The following ABCC2 variants were observed in gnomAD, a reference collection of about 807,000 sequenced individuals.
The protein encoded by ABCC2 is ATP-binding cassette sub-family C member 2.
In ABCC2, 157 loss-of-function variants were observed where a neutral mutation model predicts 173.4. The ratio of observed to expected loss-of-function variants is 0.91; its 90% CI spans 0.80 to 1.03. The LOEUF is 1.03. Among genes scored for constraint, ABCC2 ranks in the 50% least tolerant of loss-of-function variants. ABCC2 has a pLI of 0.00. For synonymous variants in ABCC2, 657 were observed against 693.5 expected (o/e 0.95, Z 0.83); for missense variants, 1,822 against 1,852.3 (o/e 0.98, Z 0.30).
chr10:99,814,402 T>C (rs1311489551), intron 16 of ABCC2, among the ~76,000 whole-genome samples: 2 of 144,592 alleles, frequency 1.4e-5, no homozygotes, highest in Non-Finnish European at 3.1e-5. Flanking sequence ...TGGGTATATA[T>C]ACACACGTGT....
intron 2 of ABCC2, 152 bp from the exon 3 acceptor site, chr10:99,792,082 T>G: frequency 1.0e-6 from 1 of 971,130 alleles, no homozygotes; most frequent in Non-Finnish European, 1.6e-6. Flanking sequence ...TTCTATCACT[T>G]GAACTGTATG....
rs1056125579 is a variant in ABCC2, at chr10:99,827,379, T to C, written c.2621-2928T>C. On this transcript the variant is annotated intron_variant, in intron 19 of 31. Coordinates refer to ENST00000647814, the MANE Select transcript of ABCC2 (RefSeq NM_000392.5). ...CTCCTGTAATTGATTATAGTCAACA[T>C]TTTGCGTTGACTGAGCCATTACCGG... Among the ~76,000 whole-genome samples the C allele has an allele frequency of 3.9e-5, 6 of 152,194 alleles. No homozygotes were observed. In the East Asian group the frequency reaches 5.8e-4, roughly 15 times the overall value.
Position 99,834,513 on chromosome 10 carries a change from G to A in ABCC2, c.3392G>A (p.Gly1131Asp), listed in dbSNP as rs2038787954. 6.2e-7 allele frequency: 1 copy of A among 1,614,098 alleles called. No homozygotes were observed. The highest frequency in any genetic ancestry group is 1.7e-5 in the Admixed American group (1 of 60,026). The change falls in exon 24 of 32, where the codon GGC becomes GAC. Residue 1131 changes from glycine to aspartate, a missense_variant. Coordinates refer to ENST00000647814, the MANE Select transcript of ABCC2 (RefSeq NM_000392.5). ...PVFTIIVIPL[G>D]IIYVSVQMFY... ...TTCACCATCATCGTCATTCCTCTTG[G>A]CATTATTTATGTATCTGTTCAGGTA...
chr10:99,824,690 A>G (rs148191650), intron 19 of ABCC2, among the ~76,000 whole-genome samples: 332 of 130,330 alleles, frequency 2.5e-3, no homozygotes, highest in East Asian at 4.3e-3. Context: ...CCTTTAGATC[A>G]ATTATAATTA....
At chr10:99,787,526 A>G (rs537270907) in intron 2 of ABCC2, among the ~76,000 whole-genome samples, 120 of 152,346 alleles carry the variant, frequency 7.9e-4, no homozygotes, top group African/African-American at 2.8e-3. Context: ...ACAGTGTGTT[A>G]AAGTGCATGT....
Position 99,830,696 on chromosome 10 carries a change from G to T in ABCC2, c.2748-20G>T. 1 of 1,613,958 alleles carries T rather than the reference G, an allele frequency of 6.2e-7. No homozygotes were observed. Among genetic ancestry groups the T allele is most frequent in the South Asian group, 1.1e-5 (1 of 91,058 alleles). On this transcript the variant is annotated intron_variant, in intron 20 of 31. Transcript: ENST00000647814. ...CCCTTGGGAATTGCCTGCATGCTCA[G>T]GGAAGCTTCCCTCTCTCAGTTCTAG... is the stretch of plus-strand genomic sequence containing the variant.
intron 6 of ABCC2, among the ~76,000 whole-genome samples, chr10:99,795,787 GAAAGAA>G (rs2037900450): frequency 6.9e-6 from 1 of 144,008 alleles, no homozygotes. Context: ...AAGAAAGAAA[GAAAGAA>G]AGAAAGAAAG....
intron 19 of ABCC2, among the ~76,000 whole-genome samples, chr10:99,828,310 GTTGGCCCTGGGATCTGGGAC>G (rs2038680355): frequency 6.6e-6 from 1 of 152,072 alleles, no homozygotes; most frequent in Non-Finnish European, 1.5e-5. Context: ...ATGCTGCTGT[GTTGGCCCTGGGATCTGGGAC>G]TTGGTGGAAT....
Position 99,851,711 on chromosome 10 carries a change from T to G in ABCC2, c.*80T>G. ...TATTTTTTATAAAATACAGAATACA[T>G]ACAAAAGTGTGTATAAAATGTACGT... On this transcript the variant is annotated 3_prime_UTR_variant, in exon 32 of 32. Coordinates refer to ENST00000647814, the MANE Select transcript of ABCC2 (RefSeq NM_000392.5). 3 of 1,308,644 alleles carry G rather than the reference T, an allele frequency of 2.3e-6. No homozygotes were observed. Among genetic ancestry groups the G allele is most frequent in the Admixed American group, 2.1e-5 (1 of 48,172 alleles). The allele number at this position is 1,308,644 out of a possible 1,614,324, so 81.1% of individuals were successfully genotyped here.
intron 13 of ABCC2, 29 bp downstream of exon 13, chr10:99,808,258 C>T (rs2133034440): frequency 6.2e-7 from 1 of 1,613,240 alleles, no homozygotes; most frequent in Non-Finnish European, 8.5e-7. Flanking sequence ...TGCTAACTCC[C>T]TGTCTCTGGT....
intron 16 of ABCC2, among the ~76,000 whole-genome samples, chr10:99,814,965 C>T (rs2038379029): frequency 6.6e-6 from 1 of 151,484 alleles, no homozygotes; most frequent in Admixed American, 6.6e-5. Flanking sequence ...CACCATGCCC[C>T]ACTAACTTTT....
intron 19 of ABCC2, among the ~76,000 whole-genome samples, chr10:99,826,353 C>G (rs1256341773): frequency 6.6e-6 from 1 of 151,546 alleles, no homozygotes; most frequent in Admixed American, 6.6e-5. Context: ...GGCTGATTGA[C>G]ACTCAGGATT....
intron 2 of ABCC2, among the ~76,000 whole-genome samples, chr10:99,786,806 G>A (rs926193027): frequency 5.9e-5 from 9 of 151,908 alleles, no homozygotes; most frequent in Admixed American, 2.0e-4. Flanking sequence ...AGTTCGAGAC[G>A]AGCCTGGCCA....
chr10:99,806,511 A>C (rs113685145), intron 11 of ABCC2, among the ~76,000 whole-genome samples: 8,832 of 152,308 alleles, frequency 0.058, 386 homozygotes, highest in Non-Finnish European at 0.09. Flanking sequence ...CTAATATGCC[A>C]CCAAGGTGAA....
chr10:99,807,423 C>A lies in ABCC2; in HGVS notation c.1570C>A (p.Gln524Lys), dbSNP rs1477237225. ...TGCCTGGGAACCTTCATTCAGAGAC[C>A]AAGTACAAAACCTCCGGAAGAAAGA... is the stretch of plus-strand genomic sequence containing the variant. ...YFAWEPSFRD[Q>K]VQNLRKKELK... Residue 524 changes from glutamine (Q) to lysine (K), a missense_variant, in exon 12 of 32, where the codon CAA becomes AAA. Physicochemically the swap from Gln to Lys is moderately conservative, Grantham distance 53 (BLOSUM62 1). Coordinates refer to ENST00000647814, the MANE Select transcript of ABCC2 (RefSeq NM_000392.5). 6.2e-7 allele frequency: 1 copy of A among 1,614,032 alleles called. No homozygotes were observed. Among genetic ancestry groups the A allele is most frequent in the South Asian group, 1.1e-5 (1 of 91,062 alleles).
intron 11 of ABCC2, 82 bp downstream of exon 11, chr10:99,805,529 G>C (rs2038085521): frequency 7.2e-7 from 1 of 1,384,336 alleles, no homozygotes; most frequent in Non-Finnish European, 1.0e-6. Flanking sequence ...CCTGGTAGAG[G>C]TGATGGATTC....
rs370925618 is a variant in ABCC2, at chr10:99,793,774, C to G, written c.468+89C>G. On this transcript the variant is annotated intron_variant, in intron 4 of 31. Coordinates refer to ENST00000647814, the MANE Select transcript of ABCC2 (RefSeq NM_000392.5). ...ATGGCATCAAGTTGAGCTCCAGGAT[C>G]GAATTGTATTAGAGGGATTTGATCA... The G allele has an allele frequency of 9.4e-6, 15 of 1,589,108 alleles. No individual in the cohort carries two copies. The South Asian group carries it at 1.2e-4, about 13-fold the overall frequency.
rs765154081 is a variant in ABCC2 at position 99,810,194 on chromosome 10, G to A, written c.1876G>A (p.Ala626Thr). The A allele has an allele frequency of 6.2e-7, 1 of 1,613,498 alleles. No homozygotes were observed. The highest frequency in any genetic ancestry group is 8.5e-7 in the Non-Finnish European group (1 of 1,179,514). Residue 626 changes from alanine (A) to threonine (T), a missense_variant, in exon 14 of 32, where the codon GCC becomes ACC. Transcript: ENST00000647814. ...YLGGDDLDTS[A>T]IRHDCNFDKA... ...GGGAGGGGATGACTTGGACACATCT[G>A]CCATTCGACATGACTGCAATTTTGG...
intron 19 of ABCC2, among the ~76,000 whole-genome samples, chr10:99,822,087 T>A (rs2038549020): frequency 6.6e-6 from 1 of 152,188 alleles, no homozygotes; most frequent in Non-Finnish European, 1.5e-5. Flanking sequence ...CAGGTACCCA[T>A]ACGCTATCAT....
Sources: gnomAD v4.1 joint callset for allele counts (sites outside exome capture counted in the v4.1 genomes callset) on GRCh38, gnomAD v4.1.1 for gene constraint, MANE v1.5 for transcripts, NCBI Gene and HGNC (gene_info 2026-07-23, HGNC 2026-07-21) for gene names.